The following YES1 variants were observed in gnomAD, a reference collection of about 807,000 sequenced individuals.
The protein encoded by YES1 is YES proto-oncogene 1, Src family tyrosine kinase.
Under a neutral mutation model 70.4 loss-of-function variants are expected in YES1, and 39 were observed. The ratio of observed to expected loss-of-function variants is 0.55; its 90% CI spans 0.43 to 0.72. YES1 has a LOEUF of 0.72. Among genes scored for constraint, YES1 ranks in the 30% least tolerant of loss-of-function variants. YES1 has a pLI of 0.00. For missense variants in YES1, 495 were observed against 644.8 expected (o/e 0.77, Z 2.52); for synonymous variants, 198 against 218.6 (o/e 0.91, Z 0.83).
At position 732,928 on chromosome 18, in the gene YES1, A is replaced by G; in HGVS notation, c.1329T>C (p.Ala443=). The G allele has an allele frequency of 6.2e-7, 1 of 1,614,220 alleles. No homozygotes were observed. Among genetic ancestry groups the G allele is most frequent in the Non-Finnish European group, 8.5e-7 (1 of 1,180,034 alleles). Residue 443 remains alanine (A), a synonymous_variant, in exon 11 of 12, where the codon GCT becomes GCC. Coordinates refer to ENST00000314574, the MANE Select transcript of YES1 (RefSeq NM_005433.4). Reference sequence around the variant, plus strand: ...TTATTGTAAACCGACCATACAGTGCAGCTTCAGGAGCTGTCCATTTGATTG... The same window carrying G: ...TTATTGTAAACCGACCATACAGTGCGGCTTCAGGAGCTGTCCATTTGATTG... ...KFPIKWTAPE[A]ALYGRFTIKS...
intron 1 of YES1, among the ~76,000 whole-genome samples, chr18:799,631 A>G (rs1455176433): frequency 6.6e-6 from 1 of 152,188 alleles, no homozygotes; most frequent in Non-Finnish European, 1.5e-5. Flanking sequence ...TCCACCTGGG[A>G]GGTGGAGGTA....
At chr18:768,786 T>C (rs1905023094) in intron 1 of YES1, among the ~76,000 whole-genome samples, 1 of 151,918 alleles carries the variant, frequency 6.6e-6, no homozygotes, top group South Asian at 2.1e-4. Context: ...CACTGCAACC[T>C]CCGCTTCCCA....
chr18:755,013 T>A (rs968700173), intron 2 of YES1, among the ~76,000 whole-genome samples: 3 of 152,168 alleles, frequency 2.0e-5, no homozygotes, highest in Admixed American at 6.6e-5. Flanking sequence ...GTAAATTGCT[T>A]TAGGTAACTA....
intron 1 of YES1, among the ~76,000 whole-genome samples, chr18:787,092 T>C (rs866330927): frequency 1.7e-5 from 2 of 114,666 alleles, no homozygotes; most frequent in Middle Eastern, 8.3e-3. Context: ...TTTTTTTTTT[T>C]TTTTTTTTTT....
At chr18:748,360 C>T (rs200792698) in intron 3 of YES1, among the ~76,000 whole-genome samples, 27 of 144,486 alleles carry the variant, frequency 1.9e-4, no homozygotes, top group Non-Finnish European at 2.3e-4. Context: ...GTATTCTTTT[C>T]TTTTTTTTTT....
intron 1 of YES1, among the ~76,000 whole-genome samples, chr18:777,987 TTAAAG>T (rs759485031): frequency 3.3e-5 from 5 of 152,208 alleles, no homozygotes; most frequent in Non-Finnish European, 7.3e-5. Context: ...TGTTACACTG[TTAAAG>T]TATTTTGCTT....
intron 1 of YES1, among the ~76,000 whole-genome samples, chr18:797,769 T>C: frequency 6.6e-6 from 1 of 152,344 alleles, no homozygotes; most frequent in South Asian, 2.1e-4. Flanking sequence ...TTTTAAGACA[T>C]CATCTAATCA....
chr18:782,973 C>T (rs1436452363), intron 1 of YES1, among the ~76,000 whole-genome samples: 1 of 152,250 alleles, frequency 6.6e-6, no homozygotes, highest in Non-Finnish European at 1.5e-5. Flanking sequence ...TGAGCCATCA[C>T]GCTCGGCTAA....
At chr18:740,225 T>C (rs762319590) in intron 8 of YES1, among the ~76,000 whole-genome samples, 3 of 152,338 alleles carry the variant, frequency 2.0e-5, no homozygotes, top group Non-Finnish European at 4.4e-5. Context: ...GAACTACTGC[T>C]GTGACCAAGC....
intron 1 of YES1, among the ~76,000 whole-genome samples, chr18:762,110 T>C (rs372002514): frequency 6.8e-6 from 1 of 148,110 alleles, no homozygotes; most frequent in African/African-American, 2.5e-5. Flanking sequence ...CACCTGAGAT[T>C]GGGAGTTTGA....
At chr18:746,975 T>C (rs1216400188) in intron 4 of YES1, among the ~76,000 whole-genome samples, 1 of 152,206 alleles carries the variant, frequency 6.6e-6, no homozygotes, top group Non-Finnish European at 1.5e-5. Flanking sequence ...GCTGAATTAG[T>C]GCCTCAAATA....
chr18:757,061 T>C (rs1410908278), intron 1 of YES1, among the ~76,000 whole-genome samples: 1 of 152,216 alleles, frequency 6.6e-6, no homozygotes, highest in African/African-American at 2.4e-5. Flanking sequence ...CTCAATCACC[T>C]TTAATAGTCC....
At chr18:753,243 T>C (rs559254312) in intron 2 of YES1, among the ~76,000 whole-genome samples, 7 of 152,220 alleles carry the variant, frequency 4.6e-5, no homozygotes, top group Non-Finnish European at 8.8e-5. Flanking sequence ...ATATACATTG[T>C]GGAATGGCTA....
Position 724,288 on chromosome 18 carries a change from A to C in YES1, c.*136T>G, listed in dbSNP as rs562845983. Reference sequence around the variant, plus strand: ...TGGGGAAAAAAAAGTGGTTTTGTGCAACCATATCTGGGATTCCAGTTTACC... The same window carrying C: ...TGGGGAAAAAAAAGTGGTTTTGTGCCACCATATCTGGGATTCCAGTTTACC... On this transcript the variant is annotated 3_prime_UTR_variant, in exon 12 of 12. Transcript: ENST00000314574. The C allele has an allele frequency of 7.9e-5, 69 of 869,446 alleles. No homozygotes were observed. The African/African-American group carries it at 1.1e-3, about 14-fold the overall frequency. The allele number at this position is 869,446 out of a possible 1,614,324, so 53.9% of individuals were successfully genotyped here.
intron 1 of YES1, among the ~76,000 whole-genome samples, chr18:796,494 G>A (rs1906550373): frequency 6.6e-6 from 1 of 152,172 alleles, no homozygotes; most frequent in South Asian, 2.1e-4. Flanking sequence ...ATTAGGCCGG[G>A]TGCAGTGGCT....
intron 1 of YES1, among the ~76,000 whole-genome samples, chr18:805,546 T>C (rs1055080493): frequency 2.0e-5 from 3 of 152,250 alleles, no homozygotes; most frequent in Middle Eastern, 3.4e-3. Flanking sequence ...TTGTTTCAAA[T>C]TGCAAAACTA....
intron 1 of YES1, among the ~76,000 whole-genome samples, chr18:771,966 G>C (rs986538534): frequency 2.0e-5 from 3 of 152,062 alleles, no homozygotes; most frequent in Non-Finnish European, 4.4e-5. Context: ...ATAAGGAAGA[G>C]GCAAGAATTT....
At chr18:729,618 ACTT>A (rs1209605201) in intron 11 of YES1, among the ~76,000 whole-genome samples, 1 of 124,480 alleles carries the variant, frequency 8.0e-6, no homozygotes, top group Non-Finnish European at 1.7e-5. Context: ...TTGATTTTGA[ACTT>A]TTTTTTTTTT....
At chr18:738,231 T>G (rs1017487268) in intron 9 of YES1, 6 of 152,126 alleles carry the variant, frequency 3.9e-5, no homozygotes, top group African/African-American at 1.2e-4. Flanking sequence ...AAAACCAGCA[T>G]GTCAACCAAA....
Sources: allele counts gnomAD v4.1 joint callset (sites outside exome capture counted in the v4.1 genomes callset), GRCh38; gene constraint gnomAD v4.1.1; transcripts MANE v1.5; gene names NCBI Gene and HGNC (gene_info 2026-07-23, HGNC 2026-07-21).